Variants in GLIS3 observed in about 807,000 individuals in gnomAD.
The protein encoded by GLIS3 is GLIS family zinc finger 3.
A neutral mutation model predicts 78.6 loss-of-function variants in GLIS3; 53 were observed. The observed-to-expected ratio is 0.67, with a 90% CI of 0.54 to 0.85. The LOEUF is 0.85. Among genes scored for constraint, GLIS3 ranks in the 40% least tolerant of loss-of-function variants. The pLI is 0.00. For synonymous variants in GLIS3, 684 were observed against 509.9 expected, an observed-to-expected ratio of 1.34 and a Z score of -4.60; for missense variants, 1,703 against 1,231.1, an observed-to-expected ratio of 1.38 and a Z score of -5.74.
At chr9:4,201,930 G>T in intron 2 of GLIS3, among the ~76,000 whole-genome samples, 1 of 152,236 alleles carries the variant, frequency 6.6e-6, no homozygotes, top group South Asian at 2.1e-4. Context: ...GAAGTCAGGC[G>T]TTCGAGACCA....
intron 2 of GLIS3, among the ~76,000 whole-genome samples, chr9:4,202,575 A>G (rs892844729): frequency 6.6e-6 from 1 of 152,210 alleles, no homozygotes; most frequent in Non-Finnish European, 1.5e-5. Context: ...ACCTTACTAT[A>G]AGGCTACGGT....
intron 4 of GLIS3, among the ~76,000 whole-genome samples, chr9:4,108,511 C>T (rs1292046927): frequency 6.6e-6 from 1 of 152,166 alleles, no homozygotes; most frequent in Non-Finnish European, 1.5e-5. Context: ...CGCTTCATTA[C>T]AACTGTTCTC....
the GLIS3 span, among the ~76,000 whole-genome samples, chr9:4,470,762 G>C: frequency 6.6e-6 from 1 of 150,732 alleles, no homozygotes; most frequent in Non-Finnish European, 1.5e-5. Flanking sequence ...AGGGCAATAA[G>C]GCAGGAGAAG....
chr9:4,220,295 G>A lies in GLIS3; in HGVS notation c.388+65743C>T, dbSNP rs1238085422. Among the ~76,000 whole-genome samples, 4 of 152,270 alleles carry A rather than the reference G, an allele frequency of 2.6e-5. No homozygotes were observed. In the East Asian group the frequency reaches 5.8e-4, roughly 22 times the overall value. On this transcript the variant is annotated intron_variant, in intron 2 of 10. Transcript: ENST00000381971. ...TTAGCTTTTATCCTAAGAGCAGAGG[G>A]TAAAAGTTTGATGAGCAATAAGATA...
At chr9:4,080,930 G>T (rs955278869) in intron 4 of GLIS3, among the ~76,000 whole-genome samples, 1 of 152,194 alleles carries the variant, frequency 6.6e-6, no homozygotes, top group African/African-American at 2.4e-5. Context: ...GGTGTTTGAG[G>T]TGGGTCTGCT....
the GLIS3 span, among the ~76,000 whole-genome samples, chr9:4,437,416 G>GTATATATC: frequency 2.8e-5 from 3 of 107,050 alleles, no homozygotes; most frequent in Non-Finnish European, 6.6e-5. Flanking sequence ...ATGTATGTAT[G>GTATATATC]TATGTATCTA....
intron 2 of GLIS3, among the ~76,000 whole-genome samples, chr9:4,259,846 TCTC>T (rs1825341547): frequency 6.6e-6 from 1 of 152,094 alleles, no homozygotes; most frequent in Non-Finnish European, 1.5e-5. Context: ...AAAAAGTAAA[TCTC>T]CTTCTTTGCC....
At chr9:4,059,167 C>G (rs1463252535) in intron 4 of GLIS3, among the ~76,000 whole-genome samples, 1 of 152,108 alleles carries the variant, frequency 6.6e-6, no homozygotes, top group Non-Finnish European at 1.5e-5. Flanking sequence ...CAGGCCTTGA[C>G]CTTTTGGCAA....
the GLIS3 span, among the ~76,000 whole-genome samples, chr9:4,484,404 A>ATTT: frequency 1.3e-3 from 63 of 49,770 alleles, 1 homozygote; most frequent in African/African-American, 2.2e-3. Flanking sequence ...TGCCAGGCTA[A>ATTT]TTTTTTTTTT....
intron 2 of GLIS3, among the ~76,000 whole-genome samples, chr9:4,245,054 A>G (rs1264470462): frequency 6.6e-6 from 1 of 152,228 alleles, no homozygotes; most frequent in East Asian, 1.9e-4. Context: ...TTCTACATCA[A>G]AAGACTGGTA....
intron 2 of GLIS3, among the ~76,000 whole-genome samples, chr9:4,190,182 A>G (rs983554813): frequency 6.6e-6 from 1 of 152,216 alleles, no homozygotes; most frequent in African/African-American, 2.4e-5. Context: ...AGCTGGACGG[A>G]GAATGACTTT....
the GLIS3 span, among the ~76,000 whole-genome samples, chr9:4,379,684 C>T: frequency 4.6e-5 from 7 of 152,140 alleles, no homozygotes; most frequent in African/African-American, 1.7e-4. Flanking sequence ...TGTACACCAT[C>T]CCGCTCCATT....
At chr9:4,149,540 A>G (rs975089386) in intron 2 of GLIS3, among the ~76,000 whole-genome samples, 6 of 152,258 alleles carry the variant, frequency 3.9e-5, no homozygotes, top group Non-Finnish European at 8.8e-5. Flanking sequence ...TGGTTTCCAT[A>G]TATAAGCAAT....
chr9:4,476,354 G>T, the GLIS3 span, among the ~76,000 whole-genome samples: 39 of 151,902 alleles, frequency 2.6e-4, no homozygotes, highest in South Asian at 1.9e-3. Flanking sequence ...ATTCAGTGGG[G>T]TTTTTTTGTT....
At chr9:4,068,810 GTGCATGCATGCA>G (rs149559824) in intron 4 of GLIS3, among the ~76,000 whole-genome samples, 1 of 83,098 alleles carries the variant, frequency 1.2e-5, no homozygotes, top group African/African-American at 3.1e-5. Flanking sequence ...GTTATTTTTT[GTGCATGCATGCA>G]TGCATGTATG....
the GLIS3 span, among the ~76,000 whole-genome samples, chr9:4,449,540 G>A: frequency 6.6e-6 from 1 of 152,202 alleles, no homozygotes; most frequent in Non-Finnish European, 1.5e-5. Flanking sequence ...TGACCCCCGT[G>A]TAGCCTAACT....
intron 1 of GLIS3, among the ~76,000 whole-genome samples, chr9:4,286,800 T>A (rs1828040543): frequency 6.6e-6 from 1 of 152,210 alleles, no homozygotes; most frequent in Non-Finnish European, 1.5e-5. Context: ...AATCTACTGG[T>A]GCCAGCTTGC....
At chr9:4,473,627 C>T in the GLIS3 span, among the ~76,000 whole-genome samples, 1 of 151,958 alleles carries the variant, frequency 6.6e-6, no homozygotes, top group African/African-American at 2.4e-5. Context: ...ACAGCACACA[C>T]TGGGGCTTAT....
chr9:4,019,030 A>T (rs1346352453), intron 4 of GLIS3, among the ~76,000 whole-genome samples: 1 of 152,212 alleles, frequency 6.6e-6, no homozygotes, highest in African/African-American at 2.4e-5. Flanking sequence ...AGGGGCAAGA[A>T]GGTGACGTGA....
Sources: gnomAD v4.1 joint callset for allele counts (sites outside exome capture counted in the v4.1 genomes callset) on GRCh38, gnomAD v4.1.1 for gene constraint, MANE v1.5 for transcripts, NCBI Gene and HGNC (gene_info 2026-07-23, HGNC 2026-07-21) for gene names.